SLC25A21: variants seen among roughly 807,000 people sequenced by gnomAD.
The protein encoded by SLC25A21 is solute carrier family 25 member 21, also known as mitochondrial 2-oxodicarboxylate carrier.
Under a neutral mutation model 43.8 loss-of-function variants are expected in SLC25A21, and 47 were observed. That is an observed-to-expected ratio of 1.07 (90% CI 0.85 to 1.37). The LOEUF is 1.37. Among genes scored for constraint, SLC25A21 ranks in the 40% most tolerant of loss-of-function variants. The probability of loss-of-function intolerance (pLI) is 0.00; values close to 1 mark genes in which losing one functional copy is unlikely to be tolerated. For missense variants in SLC25A21, 352 were observed against 350.2 expected, an observed-to-expected ratio of 1.00 and a Z score of -0.04; for synonymous variants, 131 against 121.3, an observed-to-expected ratio of 1.08 and a Z score of -0.52.
intron 2 of SLC25A21, among the ~76,000 whole-genome samples, chr14:36,834,797 G>C (rs1226253905): frequency 6.6e-6 from 1 of 152,000 alleles, no homozygotes; most frequent in African/African-American, 2.4e-5. Flanking sequence ...ATGTCAATGA[G>C]ATCAACGAAA....
At chr14:36,932,076 C>T (rs939604985) in intron 1 of SLC25A21, among the ~76,000 whole-genome samples, 3 of 152,080 alleles carry the variant, frequency 2.0e-5, no homozygotes, top group Non-Finnish European at 4.4e-5. Flanking sequence ...TTCTGTGCTT[C>T]AGTCTTATAA....
chr14:37,067,086 T>C (rs78451820), intron 1 of SLC25A21, among the ~76,000 whole-genome samples: 13 of 152,158 alleles, frequency 8.5e-5, no homozygotes, highest in African/African-American at 2.4e-4. Context: ...AGGAGTAACA[T>C]ATATTTAACT....
chr14:37,160,389 A>C (rs1963918767), intron 1 of SLC25A21, among the ~76,000 whole-genome samples: 1 of 152,196 alleles, frequency 6.6e-6, no homozygotes, highest in Admixed American at 6.5e-5. Flanking sequence ...TTGGCCATTA[A>C]AAAATACTAA....
chr14:37,162,348 G>A (rs1372467737), intron 1 of SLC25A21, among the ~76,000 whole-genome samples: 1 of 152,238 alleles, frequency 6.6e-6, no homozygotes, highest in Admixed American at 6.5e-5. Flanking sequence ...CCATGCCTAT[G>A]TCCTGAATGG....
intron 7 of SLC25A21, among the ~76,000 whole-genome samples, chr14:36,702,476 A>C (rs986000808): frequency 2.6e-3 from 160 of 61,488 alleles, no homozygotes; most frequent in Non-Finnish European, 3.2e-3. Context: ...CTGTCTCCAC[A>C]AAAAAAAAAA....
intron 6 of SLC25A21, among the ~76,000 whole-genome samples, chr14:36,716,525 A>G (rs1884142483): frequency 6.6e-6 from 1 of 152,170 alleles, no homozygotes; most frequent in Non-Finnish European, 1.5e-5. Context: ...AACCTCAAAT[A>G]TATCTAATAA....
At chr14:36,681,037 A>G (rs544387015) in intron 9 of SLC25A21, among the ~76,000 whole-genome samples, 1 of 152,336 alleles carries the variant, frequency 6.6e-6, no homozygotes, top group East Asian at 1.9e-4. Context: ...ATGTAAGGGC[A>G]TGTGGCTTTC....
At position 36,848,597 on chromosome 14, in the gene SLC25A21, G is replaced by A. The variant is rs779550666; in HGVS notation, c.119+26359C>T. Among the ~76,000 whole-genome samples the A allele has an allele frequency of 3.2e-4, 48 of 152,076 alleles. 1 individual carries two copies. Among genetic ancestry groups the A allele is most frequent in the South Asian group, 1.5e-3 (7 of 4,812 alleles). ...CCAGAGCAGGGTCTCATCTACTCTC[G>A]GTAGAAATGCAGTAAAGCCATTCTT... On this transcript the variant is annotated intron_variant, in intron 2 of 9. Transcript: ENST00000331299.
At chr14:36,771,892 C>T (rs926150005) in intron 3 of SLC25A21, among the ~76,000 whole-genome samples, 2 of 152,050 alleles carry the variant, frequency 1.3e-5, no homozygotes, top group African/African-American at 4.8e-5. Context: ...TGCCCTGTAC[C>T]GAAGAACATT....
At chr14:36,780,060 T>C (rs555254535) in intron 3 of SLC25A21, among the ~76,000 whole-genome samples, 3 of 152,126 alleles carry the variant, frequency 2.0e-5, no homozygotes, top group African/African-American at 7.2e-5. Flanking sequence ...TTCTTCATAT[T>C]GCAGTCTTAG....
At position 36,695,986 on chromosome 14, in the gene SLC25A21, G is replaced by T. The variant is rs186777398; in HGVS notation, c.604-11061C>A. 3.3e-5 allele frequency among the ~76,000 whole-genome samples: 5 copies of T among 152,148 alleles called. No homozygotes were observed. The East Asian group carries it at 9.7e-4, about 29-fold the overall frequency. On this transcript the variant is annotated intron_variant, in intron 7 of 9. Transcript: ENST00000331299. ...ACAGAGGGCATCCTTGTCTTGTGCCGGTTTTCAAAGGGAATGCTTCCAGTT... is the reference window on the plus strand; with the variant it reads ...ACAGAGGGCATCCTTGTCTTGTGCCTGTTTTCAAAGGGAATGCTTCCAGTT...
chr14:37,063,578 G>A (rs1180707123), intron 1 of SLC25A21, among the ~76,000 whole-genome samples: 1 of 152,108 alleles, frequency 6.6e-6, no homozygotes, highest in East Asian at 1.9e-4. Flanking sequence ...GCACAACTGA[G>A]GTGCATGTTG....
chr14:36,697,751 C>CTTTTTTTTTTTTTTTTTTTTTTTTTTT (rs1883096336), intron 7 of SLC25A21, among the ~76,000 whole-genome samples: 14 of 73,946 alleles, frequency 1.9e-4, no homozygotes, highest in African/African-American at 3.6e-4. Context: ...TTTTTTTTTG[C>CTTTTTTTTTTTTTTTTTTTTTTTTTTT]TTTCCATTTG....
At chr14:36,959,266 A>G (rs17105771) in intron 1 of SLC25A21, among the ~76,000 whole-genome samples, 56,183 of 151,928 alleles carry the variant, frequency 0.37, 10,581 homozygotes, top group South Asian at 0.48. Flanking sequence ...GTGAAGGAAA[A>G]TGGGGTTGCC....
In SLC25A21 at chr14:37,172,558, G is replaced by C; in HGVS notation, c.-208C>G. On this transcript the variant is annotated 5_prime_UTR_variant, in exon 1 of 10. Transcript: ENST00000331299. ...TCCGGCGCGTCGGAACCTGTTCGCA[G>C]CGCTCTCGCAGAGGCGCCCTCGGCT... is the stretch of plus-strand genomic sequence containing the variant. 1 of 712,064 alleles carries C rather than the reference G, an allele frequency of 1.4e-6. No homozygotes were observed. Among genetic ancestry groups the C allele is most frequent in the Non-Finnish European group, 2.5e-6 (1 of 392,450 alleles). 44.1% of individuals were successfully genotyped at this position (712,064 alleles called of 1,614,324 possible).
At chr14:37,082,094 G>C (rs959133974) in intron 1 of SLC25A21, among the ~76,000 whole-genome samples, 2 of 152,150 alleles carry the variant, frequency 1.3e-5, no homozygotes, top group African/African-American at 2.4e-5. Flanking sequence ...AACATGGATG[G>C]GGTTAGAGGT....
In SLC25A21 at chr14:37,095,165, C is replaced by A. The variant is rs187552553; in HGVS notation, c.70+77116G>T. ...TTGTCTGTTTTGATCACTGCTATAT[C>A]ACCATGGTTTAGAATAGGTTTGTCA... is the stretch of plus-strand genomic sequence containing the variant. On this transcript the variant is annotated intron_variant, in intron 1 of 9. Transcript: ENST00000331299. Among the ~76,000 whole-genome samples, 310 of 152,266 alleles carry A rather than the reference C, an allele frequency of 2.0e-3. 1 individual carries two copies. The highest frequency in any genetic ancestry group is 6.8e-3 in the Middle Eastern group (2 of 294).
chr14:36,858,328 G>C (rs972017377), intron 2 of SLC25A21, among the ~76,000 whole-genome samples: 5 of 152,090 alleles, frequency 3.3e-5, no homozygotes. Context: ...TCTGGGAGTT[G>C]AGAGAAAGAG....
At chr14:37,049,787 T>A (rs1376888567) in intron 1 of SLC25A21, among the ~76,000 whole-genome samples, 1 of 152,234 alleles carries the variant, frequency 6.6e-6, no homozygotes, top group East Asian at 1.9e-4. Flanking sequence ...CAAAATATTA[T>A]CACTTCAACA....
Sources: allele counts gnomAD v4.1 joint callset (sites outside exome capture counted in the v4.1 genomes callset), GRCh38; gene constraint gnomAD v4.1.1; transcripts MANE v1.5; gene names NCBI Gene and HGNC (gene_info 2026-07-23, HGNC 2026-07-21).